The following TTLL11 variants were observed in gnomAD, a reference collection of about 807,000 sequenced individuals.
TTLL11 encodes tubulin tyrosine ligase like 11.
In TTLL11, 42 loss-of-function variants were observed where a neutral mutation model predicts 51.7. That is an observed-to-expected ratio of 0.81 (90% CI 0.64 to 1.05). The LOEUF (loss-of-function observed/expected upper bound fraction) is 1.05, where lower values mean the gene tolerates loss of function less well. TTLL11 is among the 50% of genes least tolerant of loss of function. The pLI, the probability that TTLL11 is intolerant of heterozygous loss-of-function variation, is 0.00. For synonymous variants in TTLL11, 381 were observed against 383.5 expected (o/e 0.99, Z 0.08); for missense variants, 799 against 940.4 (o/e 0.85, Z 1.97).
intron 3 of TTLL11, among the ~76,000 whole-genome samples, chr9:122,005,136 A>G (rs1383182591): frequency 6.6e-6 from 1 of 152,164 alleles, no homozygotes; most frequent in African/African-American, 2.4e-5. Context: ...GTGACAAAGT[A>G]CCTTGAGAAA....
intron 6 of TTLL11, among the ~76,000 whole-genome samples, chr9:121,966,845 C>T (rs924017786): frequency 6.6e-6 from 1 of 152,142 alleles, no homozygotes; most frequent in African/African-American, 2.4e-5. Context: ...TGGGGCAGAA[C>T]CATTATGTCC....
intron 3 of TTLL11, among the ~76,000 whole-genome samples, chr9:122,028,702 T>A (rs1169401927): frequency 6.6e-6 from 1 of 152,126 alleles, no homozygotes; most frequent in Non-Finnish European, 1.5e-5. Context: ...AGATGCTACA[T>A]CAACAACTCC....
At chr9:121,963,777 C>A (rs116646671) in intron 6 of TTLL11, 17 of 152,210 alleles carry the variant, frequency 1.1e-4, no homozygotes, top group Non-Finnish European at 1.9e-4. Flanking sequence ...ACGTTTTCAA[C>A]GGAAGAGAGT....
intron 3 of TTLL11, among the ~76,000 whole-genome samples, chr9:121,999,746 G>A (rs1473949720): frequency 6.6e-6 from 1 of 152,134 alleles, no homozygotes; most frequent in Non-Finnish European, 1.5e-5. Context: ...CCACACACGT[G>A]CGCGTGCACA....
At chr9:122,011,093 T>A (rs1843779274) in intron 3 of TTLL11, among the ~76,000 whole-genome samples, 1 of 152,204 alleles carries the variant, frequency 6.6e-6, no homozygotes, top group African/African-American at 2.4e-5. Context: ...GTTCTTGTGG[T>A]AGTGAATAAG....
At chr9:121,875,179 T>C (rs1838522757) in intron 6 of TTLL11, among the ~76,000 whole-genome samples, 1 of 152,182 alleles carries the variant, frequency 6.6e-6, no homozygotes, top group South Asian at 2.1e-4. Flanking sequence ...ATTTTTGAAA[T>C]GATTCTAGAG....
rs80155365 is a variant in TTLL11, at chr9:122,063,485, T to C, written c.463-24117A>G. On this transcript the variant is annotated intron_variant, in intron 1 of 8. Transcript: ENST00000321582. ...GAAAAAATAAGATTGCGTTTTAAAA[T>C]ACAATACTATTTATTTTGAAATCAC... 4.8e-3 allele frequency among the ~76,000 whole-genome samples: 722 copies of C among 149,636 alleles called. 34 individuals carry two copies. In the East Asian group the frequency reaches 0.11, roughly 23 times the overall value.
At chr9:122,075,258 T>C (rs181778859) in intron 1 of TTLL11, among the ~76,000 whole-genome samples, 53 of 152,356 alleles carry the variant, frequency 3.5e-4, no homozygotes, top group Non-Finnish European at 6.6e-4. Context: ...CAAAACATGA[T>C]GGGCGAGTAG....
rs1841224319 is a variant in TTLL11, at chr9:121,936,456, A to G, written c.1481+37553T>C. 2.6e-5 allele frequency among the ~76,000 whole-genome samples: 4 copies of G among 152,052 alleles called. No homozygotes were observed. The South Asian group carries it at 8.3e-4, about 32-fold the overall frequency. On this transcript the variant is annotated intron_variant, in intron 6 of 8. Coordinates refer to ENST00000321582, the MANE Select transcript of TTLL11 (RefSeq NM_001139442.2). ...GTTAAGAGCATTTATATCAAGCTGG[A>G]TTGCAGAAAGAGAAGAGACAAGACT...
chr9:121,880,339 C>T (rs1453877838), intron 6 of TTLL11, among the ~76,000 whole-genome samples: 3 of 152,176 alleles, frequency 2.0e-5, no homozygotes, highest in African/African-American at 7.2e-5. Context: ...TCATCCTCCA[C>T]ATCCACATCC....
chr9:121,968,025 C>T (rs991396553), intron 6 of TTLL11, among the ~76,000 whole-genome samples: 3 of 152,154 alleles, frequency 2.0e-5, no homozygotes, highest in Non-Finnish European at 4.4e-5. Flanking sequence ...TGATGGTTTC[C>T]TTTTGGAGTG....
At position 121,842,240 on chromosome 9, in the gene TTLL11, C is replaced by T. The variant is rs1319827759; in HGVS notation, c.1840+18097G>A. 2.2e-5 allele frequency among the ~76,000 whole-genome samples: 3 copies of T among 139,468 alleles called. No homozygotes were observed. The East Asian group carries it at 6.3e-4, about 29-fold the overall frequency. The allele number at this position is 139,468 out of a possible 152,430, so 91.5% of individuals were successfully genotyped here. On this transcript the variant is annotated intron_variant, in intron 8 of 8. Coordinates refer to ENST00000321582, the MANE Select transcript of TTLL11 (RefSeq NM_001139442.2). ...GGGTTGAAAGAGATGATCTTTAGGG[C>T]TCCCTCTCCTTTTTTTTAAAAAAAA...
intron 6 of TTLL11, among the ~76,000 whole-genome samples, chr9:121,960,155 T>G (rs1488559338): frequency 6.6e-6 from 1 of 152,138 alleles, no homozygotes; most frequent in Non-Finnish European, 1.5e-5. Flanking sequence ...AGGGTTACAC[T>G]TCTATAAAAC....
intron 1 of TTLL11, among the ~76,000 whole-genome samples, chr9:122,083,267 G>A (rs901797958): frequency 4.0e-5 from 6 of 151,732 alleles, no homozygotes; most frequent in East Asian, 1.9e-4. Context: ...CTGGGTAGAC[G>A]TTTTAAAAAC....
At chr9:121,969,354 A>G (rs1373369516) in intron 6 of TTLL11, among the ~76,000 whole-genome samples, 1 of 152,050 alleles carries the variant, frequency 6.6e-6, no homozygotes, top group Non-Finnish European at 1.5e-5. Context: ...AGCAGAGTCA[A>G]GTTCTTCCCC....
Position 122,092,974 on chromosome 9 carries a change from G to A in TTLL11, c.175C>T (p.Gln59Ter), listed in dbSNP as rs1481469457. The change falls in exon 1 of 9, where the codon CAG becomes TAG. Residue 59 changes from glutamine (Q) to a stop codon, truncating the protein, a stop_gained. Transcript: ENST00000321582. LOFTEE classifies it high-confidence loss of function. ...GEPECKAGEEQPKVLAPAPAQ... is the reference protein window; with the variant it reads ...GEPECKAGEE ...GGGGCCGGGGCCAGGACCTTGGGCT[G>A]CTCCTCCCCTGCCTTGCACTCCGGT... 1.3e-6 allele frequency: 2 copies of A among 1,572,228 alleles called. No individual in the cohort carries two copies. The highest frequency in any genetic ancestry group is 3.5e-5 in the Admixed American group (2 of 56,960).
intron 6 of TTLL11, among the ~76,000 whole-genome samples, chr9:121,920,874 C>T (rs1334999649): frequency 6.6e-6 from 1 of 152,202 alleles, no homozygotes; most frequent in African/African-American, 2.4e-5. Flanking sequence ...CATCCTTACC[C>T]ACTACAGAGG....
At chr9:122,000,648 T>TA in intron 3 of TTLL11, among the ~76,000 whole-genome samples, 1 of 152,276 alleles carries the variant, frequency 6.6e-6, no homozygotes, top group South Asian at 2.1e-4. Flanking sequence ...GTCAGGAAGT[T>TA]ACACTATATG....
intron 3 of TTLL11, among the ~76,000 whole-genome samples, chr9:122,023,017 A>G (rs1226661836): frequency 6.6e-6 from 1 of 151,940 alleles, no homozygotes; most frequent in African/African-American, 2.4e-5. Flanking sequence ...AACTATAGCT[A>G]TTATGCCAAC....
Sources: allele counts gnomAD v4.1 joint callset (sites outside exome capture counted in the v4.1 genomes callset), GRCh38; gene constraint gnomAD v4.1.1; transcripts MANE v1.5; gene names NCBI Gene and HGNC (gene_info 2026-07-23, HGNC 2026-07-21).